The following RIMS1 variants were observed in gnomAD, a reference collection of about 807,000 sequenced individuals.
RIMS1 encodes the protein regulating synaptic membrane exocytosis protein 1.
In RIMS1, 83 loss-of-function variants were observed where a neutral mutation model predicts 214.1. The observed-to-expected ratio is 0.39, with a 90% CI of 0.32 to 0.47. RIMS1 has a LOEUF of 0.47. Among genes scored for constraint, RIMS1 ranks in the 20% least tolerant of loss-of-function variants. The pLI is 0.99. For synonymous variants in RIMS1, 793 were observed against 786.8 expected, an observed-to-expected ratio of 1.01 and a Z score of -0.13; for missense variants, 2,050 against 2,161.8, an observed-to-expected ratio of 0.95 and a Z score of 1.03.
At chr6:72,034,235 C>T (rs1818943208) in intron 2 of RIMS1, among the ~76,000 whole-genome samples, 1 of 152,126 alleles carries the variant, frequency 6.6e-6, no homozygotes, top group Non-Finnish European at 1.5e-5. Context: ...TAGTATGGGA[C>T]ATACTTATCC....
At chr6:72,168,626 C>G (rs1562481938) in intron 4 of RIMS1, among the ~76,000 whole-genome samples, 2 of 151,608 alleles carry the variant, frequency 1.3e-5, no homozygotes, top group Non-Finnish European at 2.9e-5. Flanking sequence ...ATATACCAGT[C>G]AAACTCTGTC....
chr6:72,016,744 A>G (rs1671364957), intron 2 of RIMS1, among the ~76,000 whole-genome samples: 1 of 152,192 alleles, frequency 6.6e-6, no homozygotes, highest in Non-Finnish European at 1.5e-5. Context: ...TTTGACAGAA[A>G]GAGAATGATC....
chr6:72,108,260 G>A (rs2035194920), intron 4 of RIMS1, among the ~76,000 whole-genome samples: 1 of 124,850 alleles, frequency 8.0e-6, no homozygotes, highest in South Asian at 2.5e-4. Flanking sequence ...AATTTTGTGT[G>A]TGTGTGTATG....
intron 29 of RIMS1, among the ~76,000 whole-genome samples, chr6:72,377,946 A>G (rs976200936): frequency 2.6e-5 from 4 of 152,198 alleles, no homozygotes; most frequent in African/African-American, 9.6e-5. Flanking sequence ...TACCTCACCC[A>G]TCCTTACAAA....
At chr6:72,348,379 C>T (rs1025988260) in intron 29 of RIMS1, among the ~76,000 whole-genome samples, 2 of 151,854 alleles carry the variant, frequency 1.3e-5, no homozygotes, top group Non-Finnish European at 1.5e-5. Flanking sequence ...CAATCCCCAA[C>T]GTTTACTGTC....
At chr6:71,928,269 A>G (rs1782100470) in intron 1 of RIMS1, among the ~76,000 whole-genome samples, 1 of 152,194 alleles carries the variant, frequency 6.6e-6, no homozygotes, top group African/African-American at 2.4e-5. Context: ...TAAAAGATTT[A>G]ACAGTATACC....
chr6:72,255,187 G>C (rs1477058050), intron 16 of RIMS1, among the ~76,000 whole-genome samples: 1 of 152,132 alleles, frequency 6.6e-6, no homozygotes, highest in African/African-American at 2.4e-5. Flanking sequence ...TAAAATAAGG[G>C]CAAGAAGCTA....
chr6:72,082,192 T>A (rs1445394474), intron 2 of RIMS1, among the ~76,000 whole-genome samples: 1 of 152,236 alleles, frequency 6.6e-6, no homozygotes, highest in Non-Finnish European at 1.5e-5. Context: ...ATTCAATCTA[T>A]GTATTTTATT....
intron 1 of RIMS1, among the ~76,000 whole-genome samples, chr6:71,908,464 TAGG>T (rs1775922820): frequency 6.6e-6 from 1 of 152,174 alleles, no homozygotes; most frequent in Non-Finnish European, 1.5e-5. Flanking sequence ...GTGGTACAGA[TAGG>T]AGGTGGACAC....
At chr6:72,283,752 C>T (rs564897942) in intron 23 of RIMS1, among the ~76,000 whole-genome samples, 3 of 152,204 alleles carry the variant, frequency 2.0e-5, no homozygotes, top group Admixed American at 6.6e-5. Context: ...CCGAGTTGCT[C>T]AGTAGGGGTT....
At chr6:72,029,027 C>T (rs906535328) in intron 2 of RIMS1, among the ~76,000 whole-genome samples, 64 of 152,068 alleles carry the variant, frequency 4.2e-4, no homozygotes, top group African/African-American at 1.5e-3. Context: ...AAAGAGTTTG[C>T]TTGGTAACCA....
chr6:71,923,283 A>G (rs1780560670), intron 1 of RIMS1, among the ~76,000 whole-genome samples: 1 of 152,258 alleles, frequency 6.6e-6, no homozygotes, highest in Non-Finnish European at 1.5e-5. Flanking sequence ...ATATTTAATA[A>G]CAAGCAAAAA....
rs549946583 is a variant in RIMS1 at position 72,050,163 on chromosome 6, C to T, written c.246-46786C>T. 1.2e-4 allele frequency among the ~76,000 whole-genome samples: 18 copies of T among 152,278 alleles called. 1 individual carries two copies. The South Asian group carries it at 3.7e-3, about 32-fold the overall frequency. On this transcript the variant is annotated intron_variant, in intron 2 of 33. Coordinates refer to ENST00000521978, the MANE Select transcript of RIMS1 (RefSeq NM_014989.7). ...GGATCTGGGCTGAGCGGAGGATGATCCTGAGCACAGACCTGTGTAGTGTTC... is the reference window on the plus strand; with the variant it reads ...GGATCTGGGCTGAGCGGAGGATGATTCTGAGCACAGACCTGTGTAGTGTTC...
At chr6:72,399,989 T>C (rs1467700886) in intron 33 of RIMS1, among the ~76,000 whole-genome samples, 1 of 152,148 alleles carries the variant, frequency 6.6e-6, no homozygotes, top group Non-Finnish European at 1.5e-5. Flanking sequence ...TTTTTTGACC[T>C]ACCCCTTCAC....
intron 29 of RIMS1, among the ~76,000 whole-genome samples, chr6:72,356,940 C>G (rs1201759859): frequency 6.6e-6 from 1 of 151,944 alleles, no homozygotes; most frequent in Non-Finnish European, 1.5e-5. Context: ...TGCTTAATTC[C>G]TCCTATGAAT....
At chr6:72,065,613 A>T (rs1343301235) in intron 2 of RIMS1, among the ~76,000 whole-genome samples, 1 of 152,136 alleles carries the variant, frequency 6.6e-6, no homozygotes, top group Non-Finnish European at 1.5e-5. Context: ...ACTTTTATTG[A>T]TCTCTTACTC....
chr6:72,044,438 A>C (rs1192383814), intron 2 of RIMS1, among the ~76,000 whole-genome samples: 3 of 151,960 alleles, frequency 2.0e-5, no homozygotes, highest in African/African-American at 4.8e-5. Context: ...CTGTTCAGAA[A>C]ATGACTGAAA....
chr6:72,007,392 C>T (rs1808199119), intron 2 of RIMS1, among the ~76,000 whole-genome samples: 1 of 152,172 alleles, frequency 6.6e-6, no homozygotes, highest in Non-Finnish European at 1.5e-5. Flanking sequence ...AGCAGAAAAA[C>T]TGAAAATTCT....
chr6:72,124,307 C>T (rs1427262709), intron 4 of RIMS1, among the ~76,000 whole-genome samples: 1 of 151,916 alleles, frequency 6.6e-6, no homozygotes, highest in East Asian at 1.9e-4. Context: ...GGCCCCCACT[C>T]TCTTCTGGCT....
Sources: gnomAD v4.1 joint callset for allele counts (sites outside exome capture counted in the v4.1 genomes callset) on GRCh38, gnomAD v4.1.1 for gene constraint, MANE v1.5 for transcripts, NCBI Gene and HGNC (gene_info 2026-07-23, HGNC 2026-07-21) for gene names.